CORIN: variants seen among roughly 807,000 people sequenced by gnomAD.
The protein encoded by CORIN is atrial natriuretic peptide-converting enzyme.
CORIN carries 117 observed loss-of-function variants against 125.3 expected under a neutral mutation model. The ratio of observed to expected loss-of-function variants is 0.93; its 90% confidence interval spans 0.80 to 1.09. The LOEUF is 1.09. Among genes scored for constraint, CORIN ranks in the 50% least tolerant of loss-of-function variants. CORIN has a pLI of 0.00. For synonymous variants in CORIN, 450 were observed against 466.4 expected (o/e 0.96, Z 0.45); for missense variants, 1,253 against 1,306.7 (o/e 0.96, Z 0.63).
chr4:47,761,595 G>A (rs1035663827), intron 4 of CORIN, among the ~76,000 whole-genome samples: 11 of 152,152 alleles, frequency 7.2e-5, no homozygotes, highest in East Asian at 3.9e-4. Context: ...AGGACACTTC[G>A]TTAAGTGGCG....
At chr4:47,697,942 C>A (rs768574747) in intron 5 of CORIN, among the ~76,000 whole-genome samples, 1 of 151,894 alleles carries the variant, frequency 6.6e-6, no homozygotes, top group Non-Finnish European at 1.5e-5. Context: ...ATAACACACG[C>A]CTTCCTCCAT....
At chr4:47,723,995 CAAAAA>C (rs766930754) in intron 5 of CORIN, among the ~76,000 whole-genome samples, 2 of 58,900 alleles carry the variant, frequency 3.4e-5, no homozygotes, top group Admixed American at 2.0e-4. Context: ...GACTCCATCT[CAAAAA>C]AAAAAAAAAA....
intron 13 of CORIN, among the ~76,000 whole-genome samples, chr4:47,647,433 C>T (rs1438786739): frequency 2.0e-5 from 3 of 151,950 alleles, no homozygotes; most frequent in South Asian, 2.1e-4. Context: ...GGAAGAACTT[C>T]GACATTTGGA....
chr4:47,729,735 C>A (rs1263134109), intron 5 of CORIN, among the ~76,000 whole-genome samples: 1 of 152,146 alleles, frequency 6.6e-6, no homozygotes, highest in African/African-American at 2.4e-5. Context: ...AAAAAGTTGC[C>A]TTTTGGCCCA....
chr4:47,643,093 A>G (rs758850729), intron 15 of CORIN, 53 bp downstream of exon 15: 5 of 1,613,668 alleles, frequency 3.1e-6, no homozygotes, highest in East Asian at 2.2e-5. Flanking sequence ...ATTCAGCTTC[A>G]GTGGCTGACA....
At chr4:47,646,929 T>C (rs1016962971) in intron 13 of CORIN, among the ~76,000 whole-genome samples, 2 of 152,206 alleles carry the variant, frequency 1.3e-5, no homozygotes, top group African/African-American at 4.8e-5. Flanking sequence ...TTTCAAACTT[T>C]TCATTAAAAA....
At chr4:47,629,314 A>C (rs1309386612) in intron 16 of CORIN, among the ~76,000 whole-genome samples, 3 of 152,014 alleles carry the variant, frequency 2.0e-5, no homozygotes, top group Non-Finnish European at 4.4e-5. Context: ...ACCTTTTCTT[A>C]TATTTGTTGG....
intron 19 of CORIN, among the ~76,000 whole-genome samples, chr4:47,621,603 A>C (rs1313338726): frequency 6.6e-6 from 1 of 152,130 alleles, no homozygotes; most frequent in African/African-American, 2.4e-5. Flanking sequence ...TTCTGCAGTG[A>C]TGTTCGTCAG....
intron 5 of CORIN, among the ~76,000 whole-genome samples, chr4:47,742,853 T>C (rs1404509093): frequency 2.0e-5 from 3 of 152,098 alleles, no homozygotes; most frequent in African/African-American, 4.8e-5. Context: ...AAAGATGCTA[T>C]AAAACTATAG....
chr4:47,723,002 G>A (rs759069676), intron 5 of CORIN, among the ~76,000 whole-genome samples: 2 of 152,150 alleles, frequency 1.3e-5, no homozygotes, highest in African/African-American at 2.4e-5. Flanking sequence ...CAGCAGTCTT[G>A]ACCAAGAGAA....
In CORIN at chr4:47,680,222, C is replaced by T. The variant is rs368765606; in HGVS notation, c.1051G>A (p.Gly351Arg). ...DCNPTTEHRC[G>R]DGRCIAMEWV... is the part of the protein sequence containing the mutation. ...TCCATGGCGATGCAGCGCCCGTCCC[C>T]GCAGCGATGCTCTGTTGTGGGATTG... is the stretch of plus-strand genomic sequence containing the variant. The change falls in exon 8 of 22, where the codon GGG becomes AGG. Residue 351 changes from glycine to arginine, a missense_variant. Coordinates refer to ENST00000273857, the MANE Select transcript of CORIN (RefSeq NM_006587.4). 41 of 1,613,810 alleles carry T rather than the reference C, an allele frequency of 2.5e-5. No homozygotes were observed. The highest frequency in any genetic ancestry group is 3.1e-5 in the Non-Finnish European group (37 of 1,179,878).
chr4:47,782,831 A>G (rs1201954099), intron 3 of CORIN, among the ~76,000 whole-genome samples: 1 of 152,176 alleles, frequency 6.6e-6, no homozygotes, highest in Non-Finnish European at 1.5e-5. Flanking sequence ...TTTTTATATA[A>G]AAGTTTCAGA....
intron 4 of CORIN, among the ~76,000 whole-genome samples, chr4:47,757,878 G>GTATATATATATATATATATATATATA: frequency 8.1e-6 from 1 of 123,926 alleles, no homozygotes; most frequent in African/African-American, 3.3e-5. Context: ...ATATATATAT[G>GTATATATATATATATATATATATATA]TATATATATA....
intron 19 of CORIN, among the ~76,000 whole-genome samples, chr4:47,621,613 G>A (rs1560475897): frequency 6.6e-6 from 1 of 152,212 alleles, no homozygotes; most frequent in East Asian, 1.9e-4. Flanking sequence ...ATGTTCGTCA[G>A]TTTGGGGTAG....
At chr4:47,774,252 C>T (rs1326449314) in intron 3 of CORIN, among the ~76,000 whole-genome samples, 2 of 152,124 alleles carry the variant, frequency 1.3e-5, no homozygotes, top group East Asian at 3.9e-4. Flanking sequence ...GGAGGCATGG[C>T]CAGGGCTGCA....
intron 5 of CORIN, among the ~76,000 whole-genome samples, chr4:47,713,719 C>T (rs1356684886): frequency 6.6e-6 from 1 of 152,106 alleles, no homozygotes; most frequent in Non-Finnish European, 1.5e-5. Context: ...TAACTGTACC[C>T]CTCCACATTT....
chr4:47,774,460 C>G (rs901079395), intron 3 of CORIN, among the ~76,000 whole-genome samples: 3 of 151,954 alleles, frequency 2.0e-5, no homozygotes, highest in Non-Finnish European at 4.4e-5. Flanking sequence ...TTCTATATTG[C>G]TTAAATTAAA....
chr4:47,643,244 T>C lies in CORIN; in HGVS notation c.1970A>G (p.Asp657Gly). ...MDEKNCSFCQ[D>G]DELECANHAC... ...ATGGTTTGCACATTCCAGCTCATCA[T>C]CTTGGCAAAATGCTGGCATGGGGAA... Residue 657 changes from aspartate to glycine, a missense_variant, in exon 15 of 22, where the codon GAT (aspartate) becomes GGT (glycine). Transcript: ENST00000273857. 1.3e-6 allele frequency: 2 copies of C among 1,595,508 alleles called. No homozygotes were observed. Among genetic ancestry groups the C allele is most frequent in the Non-Finnish European group, 1.7e-6 (2 of 1,170,642 alleles).
chr4:47,809,762 C>T, intron 1 of CORIN, among the ~76,000 whole-genome samples: 1 of 152,138 alleles, frequency 6.6e-6, no homozygotes, highest in East Asian at 1.9e-4. Flanking sequence ...AGGAGAAATT[C>T]AATACTTCAA....
Sources: allele counts gnomAD v4.1 joint callset (sites outside exome capture counted in the v4.1 genomes callset), GRCh38; gene constraint gnomAD v4.1.1; transcripts MANE v1.5; gene names NCBI Gene and HGNC (gene_info 2026-07-23, HGNC 2026-07-21).